Variants in BAG3 observed in about 807,000 individuals in gnomAD.
The protein encoded by BAG3 is BAG cochaperone 3, also known as BAG family molecular chaperone regulator 3.
A neutral mutation model predicts 40.5 loss-of-function variants in BAG3; 14 were observed. That is an observed-to-expected ratio of 0.35 (90% CI 0.23 to 0.54). BAG3 has a LOEUF of 0.54. Among genes scored for constraint, BAG3 ranks in the 20% least tolerant of loss-of-function variants. The pLI is 0.91. For synonymous variants in BAG3, 302 were observed against 307.8 expected (o/e 0.98, Z 0.20); for missense variants, 788 against 758.6 (o/e 1.04, Z -0.46).
intron 3 of BAG3, among the ~76,000 whole-genome samples, chr10:119,673,976 TACA>T (rs1847185717): frequency 6.6e-6 from 1 of 152,252 alleles, no homozygotes; most frequent in Non-Finnish European, 1.5e-5. Flanking sequence ...TTCACATTCT[TACA>T]ACATTATTAT....
At chr10:119,660,364 G>A (rs1846976155) in intron 1 of BAG3, among the ~76,000 whole-genome samples, 1 of 152,226 alleles carries the variant, frequency 6.6e-6, no homozygotes, top group African/African-American at 2.4e-5. Context: ...TGTTGGAGAG[G>A]TGGGTCGTTT....
intron 3 of BAG3, among the ~76,000 whole-genome samples, chr10:119,675,098 G>T (rs1301528094): frequency 6.6e-6 from 1 of 152,220 alleles, no homozygotes; most frequent in African/African-American, 2.4e-5. Context: ...TTGGGAGGCC[G>T]AGGTGGGCAG....
chr10:119,663,036 A>ATCTTG (rs1847014299), intron 1 of BAG3, among the ~76,000 whole-genome samples: 1 of 152,158 alleles, frequency 6.6e-6, no homozygotes, highest in Non-Finnish European at 1.5e-5. Context: ...TAAAATAAAG[A>ATCTTG]GCACTGTACC....
chr10:119,670,053 C>T lies in BAG3; in HGVS notation c.383C>T (p.Ala128Val). ...GMQRFRTEAA[A>V]AAPQRSQSPL... ...CAGCGATTCCGAACTGAGGCGGCAG[C>T]AGCGGCTCCTCAGAGGTCCCAGTCA... is the stretch of plus-strand genomic sequence containing the variant. The change falls in exon 2 of 4, where the codon GCA (alanine) becomes GTA (valine). Residue 128 changes from alanine (A) to valine (V), a missense_variant. Transcript: ENST00000369085. The T allele has an allele frequency of 9.3e-6, 15 of 1,614,234 alleles. No individual in the cohort carries two copies. Among genetic ancestry groups the T allele is most frequent in the Non-Finnish European group, 1.3e-5 (15 of 1,180,040 alleles).
chr10:119,664,216 C>G (rs1350911877), intron 1 of BAG3, among the ~76,000 whole-genome samples: 2 of 152,154 alleles, frequency 1.3e-5, no homozygotes. Flanking sequence ...CAGGCTTTCT[C>G]TAATCATAAT....
chr10:119,651,938 C>A, intron 1 of BAG3, 83 bp downstream of exon 1: 1 of 1,188,778 alleles, frequency 8.4e-7, no homozygotes, highest in Non-Finnish European at 1.1e-6. Context: ...CGGGGGGACG[C>A]GAGGCGGCGG....
chr10:119,665,407 T>G (rs1176904346), intron 1 of BAG3, among the ~76,000 whole-genome samples: 1 of 152,016 alleles, frequency 6.6e-6, no homozygotes. Flanking sequence ...GCCAAAGTGC[T>G]GGGATTACAG....
chr10:119,676,957 T>C lies in BAG3; in HGVS notation c.1403T>C (p.Val468Ala). The C allele has an allele frequency of 6.2e-7, 1 of 1,614,106 alleles. No homozygotes were observed. Among genetic ancestry groups the C allele is most frequent in the Non-Finnish European group, 8.5e-7 (1 of 1,180,000 alleles). ...LTKELLALDS[V>A]DPEGRADVRQ... Reference sequence around the variant, plus strand: ...AAAGAGCTGCTGGCCCTGGATTCAGTGGACCCCGAGGGACGAGCCGATGTG... The same window carrying C: ...AAAGAGCTGCTGGCCCTGGATTCAGCGGACCCCGAGGGACGAGCCGATGTG... The change falls in exon 4 of 4, where the codon GTG (valine) becomes GCG (alanine). Residue 468 changes from valine (V) to alanine (A), a missense_variant. Coordinates refer to ENST00000369085, the MANE Select transcript of BAG3 (RefSeq NM_004281.4).
intron 1 of BAG3, among the ~76,000 whole-genome samples, chr10:119,662,344 C>T (rs1847005661): frequency 1.3e-5 from 2 of 149,412 alleles, no homozygotes; most frequent in African/African-American, 2.5e-5. Context: ...CTTGGGATTA[C>T]AGGTGTAAGC....
At chr10:119,669,382 T>C (rs1322427883) in intron 1 of BAG3, among the ~76,000 whole-genome samples, 1 of 152,156 alleles carries the variant, frequency 6.6e-6, no homozygotes, top group Non-Finnish European at 1.5e-5. Context: ...AACTGTGTCC[T>C]GTGTTTGGGC....
chr10:119,673,733 T>C (rs1002407062), intron 3 of BAG3, among the ~76,000 whole-genome samples: 3 of 152,250 alleles, frequency 2.0e-5, no homozygotes, highest in Non-Finnish European at 4.4e-5. Context: ...TTCAATCTCA[T>C]AGAAGAGTTG....
chr10:119,673,640 T>C (rs1484481362), intron 3 of BAG3, among the ~76,000 whole-genome samples: 1 of 152,230 alleles, frequency 6.6e-6, no homozygotes, highest in Non-Finnish European at 1.5e-5. Context: ...TGTGGGATAT[T>C]CTTTCATTAC....
intron 1 of BAG3, among the ~76,000 whole-genome samples, chr10:119,654,999 C>T (rs924399881): frequency 3.3e-5 from 5 of 152,216 alleles, no homozygotes; most frequent in Admixed American, 3.3e-4. Flanking sequence ...CTGAATTGCT[C>T]AGTGTAGGGC....
In BAG3 at chr10:119,676,961, C is replaced by T; in HGVS notation, c.1407C>T (p.Asp469=). ...AGCTGCTGGCCCTGGATTCAGTGGACCCCGAGGGACGAGCCGATGTGCGTC... is the reference window on the plus strand; with the variant it reads ...AGCTGCTGGCCCTGGATTCAGTGGATCCCGAGGGACGAGCCGATGTGCGTC... ...TKELLALDSV[D]PEGRADVRQA... is the part of the protein sequence containing the mutation. Residue 469 remains aspartate (D), a synonymous_variant, in exon 4 of 4, where the codon GAC becomes GAT. Transcript: ENST00000369085. The T allele has an allele frequency of 6.2e-7, 1 of 1,614,144 alleles. No homozygotes were observed. Among genetic ancestry groups the T allele is most frequent in the Non-Finnish European group, 8.5e-7 (1 of 1,180,026 alleles).
intron 1 of BAG3, among the ~76,000 whole-genome samples, chr10:119,657,767 T>G (rs1482412337): frequency 6.6e-6 from 1 of 152,250 alleles, no homozygotes; most frequent in Non-Finnish European, 1.5e-5. Flanking sequence ...ACACAGCATC[T>G]TACAGCAGGG....
chr10:119,663,528 C>G (rs992869372), intron 1 of BAG3, among the ~76,000 whole-genome samples: 1 of 152,090 alleles, frequency 6.6e-6, no homozygotes, highest in Non-Finnish European at 1.5e-5. Context: ...TCTCAAACTC[C>G]TGGGAATGGA....
chr10:119,659,719 C>T (rs999977811), intron 1 of BAG3, among the ~76,000 whole-genome samples: 1 of 152,224 alleles, frequency 6.6e-6, no homozygotes, highest in Non-Finnish European at 1.5e-5. Flanking sequence ...TGAGACCTAA[C>T]AGGCACTTGT....
intron 1 of BAG3, among the ~76,000 whole-genome samples, chr10:119,661,779 G>A (rs1242138801): frequency 6.6e-6 from 1 of 152,114 alleles, no homozygotes; most frequent in African/African-American, 2.4e-5. Flanking sequence ...TGTCCTGTAA[G>A]TGGAATGTGG....
At chr10:119,669,234 A>G (rs1172157933) in intron 1 of BAG3, among the ~76,000 whole-genome samples, 1 of 152,192 alleles carries the variant, frequency 6.6e-6, no homozygotes, top group Non-Finnish European at 1.5e-5. Context: ...TCGTTAGGCG[A>G]CACAGTTAAC....
Sources: allele counts gnomAD v4.1 joint callset (sites outside exome capture counted in the v4.1 genomes callset), GRCh38; gene constraint gnomAD v4.1.1; transcripts MANE v1.5; gene names NCBI Gene and HGNC (gene_info 2026-07-23, HGNC 2026-07-21).